Variants in COG5 observed in about 807,000 individuals in gnomAD.
The protein encoded by COG5 is component of oligomeric golgi complex 5, also known as conserved oligomeric Golgi complex subunit 5.
A neutral mutation model predicts 110.4 loss-of-function variants in COG5; 86 were observed. That is an observed-to-expected ratio of 0.78 (90% CI 0.65 to 0.93). The LOEUF is 0.93. Ranked by LOEUF, COG5 falls within the 40% of genes least tolerant of loss-of-function variation. The probability of loss-of-function intolerance (pLI) is 0.00; values close to 1 mark genes in which losing one functional copy is unlikely to be tolerated. For missense variants in COG5, 1,077 were observed against 987.0 expected (o/e 1.09, Z -1.22); for synonymous variants, 360 against 334.6 (o/e 1.08, Z -0.83).
intron 5 of COG5, among the ~76,000 whole-genome samples, chr7:107,533,794 C>G (rs189583913): frequency 6.6e-6 from 1 of 151,604 alleles, no homozygotes; most frequent in Non-Finnish European, 1.5e-5. Flanking sequence ...GGCCAACATT[C>G]AAATTCAGGA....
intron 5 of COG5, among the ~76,000 whole-genome samples, chr7:107,540,412 TAAA>T (rs762861873): frequency 1.6e-5 from 2 of 126,534 alleles, no homozygotes; most frequent in Non-Finnish European, 1.7e-5. Flanking sequence ...ATCTCTACAA[TAAA>T]AAAAAAAAAA....
At chr7:107,214,621 T>A (rs1799391981) in intron 19 of COG5, among the ~76,000 whole-genome samples, 1 of 152,128 alleles carries the variant, frequency 6.6e-6, no homozygotes, top group African/African-American at 2.4e-5. Flanking sequence ...GGTTAAAAAC[T>A]ATTAAAATTA....
intron 6 of COG5, among the ~76,000 whole-genome samples, chr7:107,476,310 A>G (rs1470371173): frequency 6.6e-6 from 1 of 151,212 alleles, no homozygotes; most frequent in Admixed American, 6.6e-5. Flanking sequence ...GAATGAAAAA[A>G]AAAAGACTTT....
chr7:107,523,553 G>C (rs539721463), intron 6 of COG5, among the ~76,000 whole-genome samples: 2 of 152,038 alleles, frequency 1.3e-5, no homozygotes, highest in African/African-American at 4.8e-5. Context: ...GGTGGTTCAC[G>C]CCTGTAATCC....
intron 6 of COG5, among the ~76,000 whole-genome samples, chr7:107,497,051 T>C (rs1028906715): frequency 2.6e-5 from 4 of 151,286 alleles, no homozygotes; most frequent in African/African-American, 9.7e-5. Context: ...CTCTACCAAA[T>C]AAAAATTAAA....
In COG5 at chr7:107,236,526, A is replaced by C. The variant is rs1319908604; in HGVS notation, c.2015T>G (p.Leu672Arg). ...TATGAGACTGGCATGGCGGATAAAAAGTTCAACAGCTCTTTGGGCAATAGC... is the reference window on the plus strand; with the variant it reads ...TATGAGACTGGCATGGCGGATAAAACGTTCAACAGCTCTTTGGGCAATAGC... Reference protein sequence around the residue: ...TEAIAQRAVELFIRHASLIRP... With the variant: ...TEAIAQRAVERFIRHASLIRP... Residue 672 changes from leucine to arginine, a missense_variant, in exon 18 of 22, where the codon CTT becomes CGT. Coordinates refer to ENST00000297135, the MANE Select transcript of COG5 (RefSeq NM_006348.5). The C allele has an allele frequency of 1.2e-6, 2 of 1,614,094 alleles. No homozygotes were observed. The highest frequency in any genetic ancestry group is 1.7e-6 in the Non-Finnish European group (2 of 1,180,050).
At position 107,201,502 on chromosome 7, in the gene COG5, T is replaced by A; in HGVS notation, c.*2014A>T. 1.1e-6 allele frequency: 1 copy of A among 941,190 alleles called. No homozygotes were observed. The allele number at this position is 941,190 out of a possible 1,614,324, so 58.3% of individuals were successfully genotyped here. ...CTCTTGATGGAAAGACTTAAGAAGA[T>A]CAAGGTCTCACCATTTGTCCTCAAT... On this transcript the variant is annotated 3_prime_UTR_variant, in exon 22 of 22. Coordinates refer to ENST00000297135, the MANE Select transcript of COG5 (RefSeq NM_006348.5).
chr7:107,455,307 A>G (rs1795593195), intron 6 of COG5, among the ~76,000 whole-genome samples: 1 of 152,242 alleles, frequency 6.6e-6, no homozygotes, highest in Non-Finnish European at 1.5e-5. Flanking sequence ...ACATGCATCT[A>G]TCTTCCCTCA....
intron 14 of COG5, among the ~76,000 whole-genome samples, chr7:107,270,692 A>T (rs547508540): frequency 6.6e-6 from 1 of 152,154 alleles, no homozygotes; most frequent in South Asian, 2.1e-4. Context: ...TATATACTAC[A>T]TTTAGTTTCG....
intron 10 of COG5, among the ~76,000 whole-genome samples, chr7:107,354,775 T>C (rs566583667): frequency 7.4e-4 from 112 of 152,366 alleles, no homozygotes; most frequent in Non-Finnish European, 1.5e-3. Context: ...TCACTTTCCC[T>C]CATAATATCT....
chr7:107,449,260 T>C (rs887031924), intron 6 of COG5, among the ~76,000 whole-genome samples: 1 of 152,146 alleles, frequency 6.6e-6, no homozygotes, highest in Non-Finnish European at 1.5e-5. Context: ...GGTTGATAGA[T>C]GCAGCAAACC....
At chr7:107,559,427 T>A (rs1201728611) in intron 1 of COG5, among the ~76,000 whole-genome samples, 1 of 152,166 alleles carries the variant, frequency 6.6e-6, no homozygotes, top group Non-Finnish European at 1.5e-5. Context: ...TAGAGTACTT[T>A]TAAGAAAACC....
intron 17 of COG5, among the ~76,000 whole-genome samples, chr7:107,245,452 T>C (rs950919089): frequency 2.0e-5 from 3 of 152,194 alleles, no homozygotes; most frequent in African/African-American, 7.2e-5. Context: ...CATGATTCTA[T>C]ATCTAGAAAA....
intron 7 of COG5, among the ~76,000 whole-genome samples, chr7:107,391,850 G>C (rs995086983): frequency 6.6e-6 from 1 of 152,126 alleles, no homozygotes; most frequent in Non-Finnish European, 1.5e-5. Context: ...GTAGCACTTT[G>C]GGAGGCCAAG....
chr7:107,418,096 A>G (rs578044357), intron 6 of COG5, among the ~76,000 whole-genome samples: 1 of 152,264 alleles, frequency 6.6e-6, no homozygotes, highest in Admixed American at 6.5e-5. Context: ...AGCAAATATC[A>G]AAATATAAAA....
chr7:107,489,179 C>T (rs767916313), intron 6 of COG5, among the ~76,000 whole-genome samples: 2 of 152,060 alleles, frequency 1.3e-5, no homozygotes, highest in East Asian at 1.9e-4. Flanking sequence ...TTAAATGATG[C>T]CTGGTTAATG....
chr7:107,306,151 TACAAAACAATG>T (rs1807698264), intron 11 of COG5, among the ~76,000 whole-genome samples: 1 of 152,100 alleles, frequency 6.6e-6, no homozygotes, highest in Non-Finnish European at 1.5e-5. Context: ...TCCTTTCTAA[TACAAAACAATG>T]ACAAAACAAA....
chr7:107,259,908 A>T (rs1803195374), intron 14 of COG5, among the ~76,000 whole-genome samples: 1 of 151,990 alleles, frequency 6.6e-6, no homozygotes, highest in South Asian at 2.1e-4. Flanking sequence ...AGGATGCTAT[A>T]ATGAGGAAGA....
intron 10 of COG5, among the ~76,000 whole-genome samples, chr7:107,361,343 T>C (rs1813095784): frequency 6.6e-6 from 1 of 152,086 alleles, no homozygotes; most frequent in Non-Finnish European, 1.5e-5. Flanking sequence ...ATGGGAAAAA[T>C]CAATGACCTT....
Sources: allele counts gnomAD v4.1 joint callset (sites outside exome capture counted in the v4.1 genomes callset), GRCh38; gene constraint gnomAD v4.1.1; transcripts MANE v1.5; gene names NCBI Gene and HGNC (gene_info 2026-07-23, HGNC 2026-07-21).